The following DYM variants were observed in gnomAD, a reference collection of about 807,000 sequenced individuals.
DYM encodes dymeclin, also known as dyggve-Melchior-Clausen syndrome protein.
A neutral mutation model predicts 93.1 loss-of-function variants in DYM; 78 were observed. That is an observed-to-expected ratio of 0.84 (90% CI 0.70 to 1.01). The LOEUF (loss-of-function observed/expected upper bound fraction) is 1.01. DYM is among the 50% of genes least tolerant of loss of function. DYM has a pLI of 0.00. For synonymous variants in DYM, 321 were observed against 319.7 expected (o/e 1.00, Z -0.04); for missense variants, 789 against 845.0 (o/e 0.93, Z 0.82).
chr18:49,392,681 TAAAAA>T lies in DYM; in HGVS notation c.141-1041_141-1037del, dbSNP rs869086187. 1.5e-3 allele frequency among the ~76,000 whole-genome samples: 103 copies of T among 68,498 alleles called. 3 individuals carry two copies. The East Asian group carries it at 0.022, about 15-fold the overall frequency. The allele number at this position is 68,498 out of a possible 152,430, so 44.9% of individuals were successfully genotyped here. A position where few individuals can be genotyped will look rare whatever the true frequency, so the allele number is the denominator to read the frequency against. ...CACACCCATTGGGATGGCTTTTATT[TAAAAA>T]AAAAAAAAAAAAAAAAAAAAAAAAG... is the stretch of plus-strand genomic sequence containing the variant. On this transcript the variant is annotated intron_variant, in intron 2 of 17. Coordinates refer to ENST00000675505, the MANE Select transcript of DYM (RefSeq NM_001353214.3).
intron 6 of DYM, among the ~76,000 whole-genome samples, chr18:49,362,196 G>A (rs1599679536): frequency 6.6e-6 from 1 of 151,886 alleles, no homozygotes; most frequent in Non-Finnish European, 1.5e-5. Flanking sequence ...GAGAATCACT[G>A]CTTTAAAAGT....
chr18:49,065,610 C>A (rs563289724), intron 17 of DYM, among the ~76,000 whole-genome samples: 1 of 152,238 alleles, frequency 6.6e-6, no homozygotes, highest in Admixed American at 6.5e-5. Context: ...GATCTGCCCA[C>A]CTTGGCCTCC....
intron 15 of DYM, among the ~76,000 whole-genome samples, chr18:49,150,191 C>T (rs1568500235): frequency 6.6e-6 from 1 of 152,172 alleles, no homozygotes; most frequent in African/African-American, 2.4e-5. Context: ...AAAAGTTAGT[C>T]TAACTGGAAT....
intron 1 of DYM, among the ~76,000 whole-genome samples, chr18:49,441,213 T>TATATTTATATATAATA (rs2081509924): frequency 2.5e-5 from 1 of 39,996 alleles, no homozygotes; most frequent in Non-Finnish European, 4.2e-5. Context: ...ATTATATATA[T>TATATTTATATATAATA]TATATATAAT....
chr18:49,457,197 T>C (rs1425255025), intron 1 of DYM, among the ~76,000 whole-genome samples: 3 of 152,142 alleles, frequency 2.0e-5, no homozygotes, highest in Non-Finnish European at 4.4e-5. Flanking sequence ...TTCTCTCACT[T>C]TCATTAGGAG....
chr18:49,205,459 G>A (rs1170971276), intron 14 of DYM, among the ~76,000 whole-genome samples: 1 of 151,106 alleles, frequency 6.6e-6, no homozygotes, highest in African/African-American at 2.4e-5. Flanking sequence ...GATTGCCATA[G>A]TAGATGAGAA....
At chr18:49,219,127 C>T (rs1379542255) in intron 13 of DYM, among the ~76,000 whole-genome samples, 1 of 152,174 alleles carries the variant, frequency 6.6e-6, no homozygotes, top group African/African-American at 2.4e-5. Flanking sequence ...ACTACAAACA[C>T]CTCTACGCAA....
intron 1 of DYM, among the ~76,000 whole-genome samples, chr18:49,442,673 T>A (rs1373168794): frequency 6.6e-6 from 1 of 151,998 alleles, no homozygotes; most frequent in African/African-American, 2.4e-5. Flanking sequence ...GTAACAATAA[T>A]ACCAAACATG....
At chr18:49,157,366 C>A (rs1380801666) in intron 15 of DYM, among the ~76,000 whole-genome samples, 1 of 152,174 alleles carries the variant, frequency 6.6e-6, no homozygotes, top group African/African-American at 2.4e-5. Context: ...CACACATAGG[C>A]AGCATGGCAT....
intron 6 of DYM, among the ~76,000 whole-genome samples, chr18:49,361,454 T>G (rs1416875028): frequency 2.6e-5 from 4 of 152,236 alleles, no homozygotes; most frequent in African/African-American, 7.2e-5. Context: ...GATTCTGTGA[T>G]GAGAAACATT....
intron 8 of DYM, among the ~76,000 whole-genome samples, chr18:49,331,661 C>A (rs544231922): frequency 6.6e-6 from 1 of 152,266 alleles, no homozygotes; most frequent in East Asian, 1.9e-4. Context: ...GTAGGTAATC[C>A]ATTCATTATT....
chr18:49,436,048 T>C (rs78542426), intron 1 of DYM, among the ~76,000 whole-genome samples: 13,895 of 152,258 alleles, frequency 0.091, 856 homozygotes, highest in East Asian at 0.31. Flanking sequence ...GGTCTCACTC[T>C]GTCACCCACA....
At chr18:49,258,533 T>C (rs768582448) in intron 11 of DYM, 40 bp from the exon 12 acceptor site, 21 of 1,257,986 alleles carry the variant, frequency 1.7e-5, no homozygotes, top group Non-Finnish European at 2.3e-5. Flanking sequence ...AAATGATTGC[T>C]TTACAGACAA....
intron 15 of DYM, among the ~76,000 whole-genome samples, chr18:49,161,980 A>G (rs938362799): frequency 1.3e-5 from 2 of 152,240 alleles, no homozygotes; most frequent in South Asian, 2.1e-4. Context: ...CTAAATACCA[A>G]TCCACTATGT....
intron 8 of DYM, among the ~76,000 whole-genome samples, chr18:49,294,455 A>C (rs1044394601): frequency 1.3e-5 from 2 of 152,184 alleles, no homozygotes; most frequent in Non-Finnish European, 2.9e-5. Flanking sequence ...TGAGCATGGA[A>C]TGTTTTTCCA....
chr18:49,429,250 C>G (rs1402519081), intron 2 of DYM, among the ~76,000 whole-genome samples: 2 of 152,220 alleles, frequency 1.3e-5, no homozygotes, highest in East Asian at 3.8e-4. Flanking sequence ...GATAATCTCC[C>G]TGTTTTAAGG....
At chr18:49,317,573 CT>C (rs1459609284) in intron 8 of DYM, among the ~76,000 whole-genome samples, 21 of 11,644 alleles carry the variant, frequency 1.8e-3, no homozygotes, top group African/African-American at 0.013. Context: ...CTCTCTCTCT[CT>C]CTCTCTCTCT....
rs2070815545 is a variant in DYM at position 49,039,273 on chromosome 18, T to A, written c.*4782A>T. Among the ~76,000 whole-genome samples the A allele has an allele frequency of 6.6e-6, 1 of 152,234 alleles. No individual in the cohort carries two copies. The highest frequency in any genetic ancestry group is 1.5e-5 in the Non-Finnish European group (1 of 68,044). On this transcript the variant is annotated 3_prime_UTR_variant, in exon 18 of 18. Transcript: ENST00000675505. ...GTTTCTGCTGAGAAGGAGCTGTCAG[T>A]CTAATATTATTGCTCCTTTAATGGT...
At chr18:49,091,489 G>C (rs982880782) in intron 17 of DYM, among the ~76,000 whole-genome samples, 11 of 152,146 alleles carry the variant, frequency 7.2e-5, no homozygotes, top group East Asian at 1.9e-4. Flanking sequence ...GAGTGAGCCA[G>C]GCAAGGCTCT....
Sources: gnomAD v4.1 joint callset for allele counts (sites outside exome capture counted in the v4.1 genomes callset) on GRCh38, gnomAD v4.1.1 for gene constraint, MANE v1.5 for transcripts, NCBI Gene and HGNC (gene_info 2026-07-23, HGNC 2026-07-21) for gene names.